BDNF: variants seen among roughly 807,000 people sequenced by gnomAD.
The protein encoded by BDNF is neurotrophic factor BDNF precursor form.
A neutral mutation model predicts 19.5 loss-of-function variants in BDNF; 1 was observed. The ratio of observed to expected loss-of-function variants is 0.05; its 90% confidence interval spans 0.02 to 0.24. The LOEUF is 0.24. Ranked by LOEUF, BDNF falls within the 10% of genes least tolerant of loss-of-function variation. The pLI, the probability that BDNF is intolerant of heterozygous loss-of-function variation, is 1.00. For synonymous variants in BDNF, 100 were observed against 121.6 expected, an observed-to-expected ratio of 0.82 and a Z score of 1.17; for missense variants, 195 against 317.6, an observed-to-expected ratio of 0.61 and a Z score of 2.93.
At chr11:27,712,701 G>T (rs1467796699) in intron 1 of BDNF, among the ~76,000 whole-genome samples, 2 of 151,644 alleles carry the variant, frequency 1.3e-5, no homozygotes, top group Non-Finnish European at 2.9e-5. Context: ...TTTTGGTAAA[G>T]ACAGGGTTTT....
chr11:27,701,182 C>T, upstream of BDNF: 5 of 1,195,692 alleles, frequency 4.2e-6, no homozygotes, highest in South Asian at 5.5e-5. Context: ...TAACGTTACA[C>T]CAAGTTACTT....
At chr11:27,712,908 ATTCT>A (rs1170088899) in intron 1 of BDNF, among the ~76,000 whole-genome samples, 6 of 133,794 alleles carry the variant, frequency 4.5e-5, no homozygotes, top group African/African-American at 1.4e-4. Context: ...ACAGTGAGCA[ATTCT>A]TTCTTTCTTT....
chr11:27,713,823 AGT>A (rs1564996898), intron 1 of BDNF, among the ~76,000 whole-genome samples: 7 of 152,226 alleles, frequency 4.6e-5, no homozygotes. Flanking sequence ...AAATGCCCAG[AGT>A]GGATCAAAAT....
intron 1 of BDNF, among the ~76,000 whole-genome samples, chr11:27,681,175 G>A (rs866957398): frequency 1.8e-4 from 27 of 152,210 alleles, no homozygotes; most frequent in Middle Eastern, 3.2e-3. Flanking sequence ...TACACACAGA[G>A]AATTCAAGTA....
At chr11:27,700,541 G>A (rs1035020419), upstream of BDNF, 7 of 682,714 alleles carry the variant, frequency 1.0e-5, no homozygotes, top group African/African-American at 2.2e-4. Context: ...CCCGCCCCCC[G>A]CCCCCCGCTC....
At chr11:27,673,938 A>G in intron 1 of BDNF, 1 of 1,183,024 alleles carries the variant, frequency 8.5e-7, no homozygotes, top group Non-Finnish European at 1.2e-6. Flanking sequence ...TGATGGAAGA[A>G]ACTGGAAAGG....
At chr11:27,684,268 T>A (rs1857199753) in intron 1 of BDNF, among the ~76,000 whole-genome samples, 1 of 152,226 alleles carries the variant, frequency 6.6e-6, no homozygotes, top group African/African-American at 2.4e-5. Flanking sequence ...GAGACTTTGC[T>A]GAAGTTGCTT....
rs192650986 is a variant in BDNF, at chr11:27,671,088, A to G, written c.-21-12503T>C. Among the ~76,000 whole-genome samples the G allele has an allele frequency of 1.9e-3, 290 of 152,230 alleles. 1 individual carries two copies. The highest frequency in any genetic ancestry group is 6.3e-3 in the African/African-American group (260 of 41,516). On this transcript the variant is annotated intron_variant, in intron 1 of 1. Transcript: ENST00000356660. ...AACCAAACACCGCATGTTCTCACTC[A>G]TAGGTGGGAACTGAACAATGAGAAC...
chr11:27,700,632 G>A (rs1859823942), upstream of BDNF: 13 of 989,858 alleles, frequency 1.3e-5, no homozygotes, highest in Non-Finnish European at 1.6e-5. Flanking sequence ...GCGGGGAACC[G>A]AGGGGCGCCC....
chr11:27,684,692 T>C (rs780846186), intron 1 of BDNF, among the ~76,000 whole-genome samples: 25 of 152,228 alleles, frequency 1.6e-4, no homozygotes, highest in Non-Finnish European at 2.9e-4. Context: ...CTTTATGTGA[T>C]GGATTATCTT....
At chr11:27,710,117 C>T (rs146176621) in intron 1 of BDNF, among the ~76,000 whole-genome samples, 14 of 152,266 alleles carry the variant, frequency 9.2e-5, no homozygotes, top group East Asian at 1.9e-4. Context: ...AGCTCTGGGA[C>T]GTATCAAATC....
At chr11:27,697,158 C>CAGAGAGAGAGAGAGAGAGAGAGAG (rs1198756508) in intron 1 of BDNF, among the ~76,000 whole-genome samples, 2 of 113,578 alleles carry the variant, frequency 1.8e-5, no homozygotes, top group African/African-American at 2.9e-5. Context: ...CACACACACA[C>CAGAGAGAGAGAGAGAGAGAGAGAG]ACACACAGAG....
rs199638553 is a variant in BDNF at position 27,658,332 on chromosome 11, C to T, written c.233G>A (p.Arg78Gln). 6.8e-6 allele frequency: 11 copies of T among 1,613,998 alleles called. No homozygotes were observed. Among genetic ancestry groups the T allele is most frequent in the African/African-American group, 1.3e-5 (1 of 74,908 alleles). ...EELLDEDQKVRPNEENNKDAD... is the reference protein window; with the variant it reads ...EELLDEDQKVQPNEENNKDAD... The stretch of plus-strand genomic sequence containing the variant: ...GTCCTTATTGTTTTCTTCATTGGGC[C>T]GAACTTTCTGGTCCTCATCCAACAG... Residue 78 changes from arginine (R) to glutamine (Q), a missense_variant, in exon 2 of 2, where the codon CGG (arginine) becomes CAG (glutamine). Physicochemically the swap from Arg to Gln is conservative, Grantham distance 43. Around this residue, in one of 2 missense-constraint regions of BDNF, gnomAD observed 124 missense variants for 155.0 expected, o/e 0.80. Transcript: ENST00000356660. This position sits in a 1 kb window ranked among gnomAD's most constrained non-coding sequence, Gnocchi z 5.7.
chr11:27,706,756 G>A (rs1487335084), intron 1 of BDNF, among the ~76,000 whole-genome samples: 1 of 152,142 alleles, frequency 6.6e-6, no homozygotes, highest in Non-Finnish European at 1.5e-5. Flanking sequence ...ACAGCTGTTG[G>A]GAAAAACTAA....
At chr11:27,702,564 C>A (rs571226496), upstream of BDNF, among the ~76,000 whole-genome samples, 6 of 152,300 alleles carry the variant, frequency 3.9e-5, no homozygotes, top group Non-Finnish European at 5.9e-5. Flanking sequence ...AAGACTCCAA[C>A]ATTAATTTTG....
At chr11:27,667,981 A>C (rs1000751572) in intron 1 of BDNF, among the ~76,000 whole-genome samples, 3 of 152,208 alleles carry the variant, frequency 2.0e-5, no homozygotes, top group Non-Finnish European at 4.4e-5. Flanking sequence ...TCGGCACCAC[A>C]TCACACTTAT....
At chr11:27,659,240 A>G (rs1384999232) in intron 1 of BDNF, 1 of 990,746 alleles carries the variant, frequency 1.0e-6, no homozygotes, top group Non-Finnish European at 1.2e-6. Flanking sequence ...TAAGGAAACC[A>G]AAGGCCATAG....
chr11:27,674,206 T>C, intron 1 of BDNF: 2 of 1,603,844 alleles, frequency 1.2e-6, no homozygotes, highest in Non-Finnish European at 1.7e-6. Flanking sequence ...TGCAACCCTT[T>C]CTGTAGAAAC....
At chr11:27,670,002 C>A (rs1304542739) in intron 1 of BDNF, among the ~76,000 whole-genome samples, 4 of 152,184 alleles carry the variant, frequency 2.6e-5, no homozygotes, top group Admixed American at 2.0e-4. Context: ...TACCTGACTT[C>A]AAACTATATT....
Sources: gnomAD v4.1 joint callset for allele counts (sites outside exome capture counted in the v4.1 genomes callset) on GRCh38, gnomAD v4.1.1 for gene constraint, gnomAD v4.1.1 regional missense constraint, Gnocchi (gnomAD v3.1) non-coding constraint, MANE v1.5 for transcripts, NCBI Gene and HGNC (gene_info 2026-07-23, HGNC 2026-07-21) for gene names.